Variants in DTD1 observed in about 807,000 individuals in gnomAD.
DTD1 encodes D-aminoacyl-tRNA deacylase 1, also known as D-tyrosyl-tRNA deacylase 1 homolog.
DTD1 carries 13 observed loss-of-function variants against 25.6 expected under a neutral mutation model. The observed-to-expected ratio is 0.51, with a 90% confidence interval of 0.33 to 0.81. The LOEUF is 0.81. DTD1 is among the 30% of genes least tolerant of loss of function. The pLI, the probability that DTD1 is intolerant of heterozygous loss-of-function variation, is 0.02. For missense variants in DTD1, 193 were observed against 266.4 expected (o/e 0.72, Z 1.92); for synonymous variants, 110 against 103.6 (o/e 1.06, Z -0.37).
intron 1 of DTD1, chr20:18,592,556 T>C (rs1568638205): frequency 6.6e-6 from 1 of 151,628 alleles, no homozygotes; most frequent in Non-Finnish European, 1.5e-5. Flanking sequence ...TGATTAGTAG[T>C]GGAATTGCAC....
intron 5 of DTD1, among the ~76,000 whole-genome samples, chr20:18,753,978 T>A (rs890609670): frequency 6.6e-6 from 1 of 152,160 alleles, no homozygotes; most frequent in African/African-American, 2.4e-5. Flanking sequence ...TCTCTCATGT[T>A]TTTTGCATAG....
At chr20:18,676,004 C>T (rs1297426844) in intron 4 of DTD1, among the ~76,000 whole-genome samples, 1 of 152,126 alleles carries the variant, frequency 6.6e-6, no homozygotes, top group East Asian at 1.9e-4. Flanking sequence ...TTGATGGCAG[C>T]CTACTATTCT....
chr20:18,612,270 G>T (rs1243255752), intron 3 of DTD1, among the ~76,000 whole-genome samples: 1 of 151,882 alleles, frequency 6.6e-6, no homozygotes, highest in Admixed American at 6.6e-5. Flanking sequence ...TCCTGACCTC[G>T]TGATCCGCCC....
At chr20:18,609,335 A>G (rs2060677210) in intron 3 of DTD1, among the ~76,000 whole-genome samples, 1 of 151,424 alleles carries the variant, frequency 6.6e-6, no homozygotes. Flanking sequence ...TTTTTTTAGT[A>G]GAAATGGTGT....
intron 4 of DTD1, among the ~76,000 whole-genome samples, chr20:18,633,985 A>G (rs955748316): frequency 6.6e-6 from 1 of 152,258 alleles, no homozygotes; most frequent in African/African-American, 2.4e-5. Context: ...AGAGCATTAC[A>G]TTCTTGCTCC....
At chr20:18,733,328 G>A (rs2061245137) in intron 4 of DTD1, among the ~76,000 whole-genome samples, 1 of 152,250 alleles carries the variant, frequency 6.6e-6, no homozygotes. Flanking sequence ...GTGTCCTTAA[G>A]CAGAAAGGGG....
intron 4 of DTD1, among the ~76,000 whole-genome samples, chr20:18,664,010 C>G (rs146030847): frequency 1.3e-5 from 2 of 152,178 alleles, no homozygotes; most frequent in South Asian, 4.1e-4. Context: ...ACCATATCAC[C>G]TACTGTACAG....
At chr20:18,680,378 GAGACAC>G (rs2060991957) in intron 4 of DTD1, among the ~76,000 whole-genome samples, 1 of 147,222 alleles carries the variant, frequency 6.8e-6, no homozygotes, top group African/African-American at 2.5e-5. Flanking sequence ...TAATTTTGTA[GAGACAC>G]TCTTTATCAC....
At chr20:18,724,139 C>T (rs2061215329) in intron 4 of DTD1, among the ~76,000 whole-genome samples, 1 of 152,248 alleles carries the variant, frequency 6.6e-6, no homozygotes, top group African/African-American at 2.4e-5. Flanking sequence ...CCATCATGTA[C>T]TTTGTCTCAG....
At chr20:18,676,105 T>C (rs1600359502) in intron 4 of DTD1, among the ~76,000 whole-genome samples, 1 of 152,298 alleles carries the variant, frequency 6.6e-6, no homozygotes, top group East Asian at 1.9e-4. Flanking sequence ...AGCAGTGATT[T>C]GGTGAACTGT....
chr20:18,758,182 C>G (rs963255721), intron 5 of DTD1, among the ~76,000 whole-genome samples: 2 of 152,000 alleles, frequency 1.3e-5, no homozygotes, highest in African/African-American at 4.8e-5. Flanking sequence ...ATTAGTCTTG[C>G]TAGCGGTCTA....
chr20:18,641,521 T>G (rs199509250), intron 4 of DTD1, among the ~76,000 whole-genome samples: 112 of 149,676 alleles, frequency 7.5e-4, no homozygotes, highest in Middle Eastern at 3.5e-3. Flanking sequence ...GTATGTGTGT[T>G]TGTGTGTGTG....
intron 4 of DTD1, among the ~76,000 whole-genome samples, chr20:18,649,249 CA>C (rs1187582737): frequency 6.8e-6 from 1 of 148,082 alleles, no homozygotes; most frequent in Non-Finnish European, 1.5e-5. Context: ...TCAGTATGTC[CA>C]GGGGAAGTGG....
chr20:18,744,128 G>A lies in DTD1; in HGVS notation c.506G>A (p.Arg169Lys). Reference sequence around the variant, plus strand: ...TCAAAGCTCGAAAAACAGCAGCAGAGGAAAGAAAAGACCAGAGCTAAGGGA... The same window carrying A: ...TCAAAGCTCGAAAAACAGCAGCAGAAGAAAGAAAAGACCAGAGCTAAGGGA... ...QLSKLEKQQQ[R>K]KEKTRAKGPS... is the part of the protein sequence containing the mutation. The change falls in exon 5 of 6, where the codon AGG becomes AAG. Residue 169 changes from arginine (R) to lysine (K), a missense_variant. Arg to Lys is a conservative substitution (Grantham distance 26). Coordinates refer to ENST00000377452, the MANE Select transcript of DTD1 (RefSeq NM_080820.6). 1 of 1,611,548 alleles carries A rather than the reference G, an allele frequency of 6.2e-7. No homozygotes were observed. Among genetic ancestry groups the A allele is most frequent in the Non-Finnish European group, 8.5e-7 (1 of 1,179,700 alleles).
At chr20:18,744,306 A>G (rs2061291112) in intron 5 of DTD1, 35 bp downstream of exon 5, 5 of 1,600,712 alleles carry the variant, frequency 3.1e-6, no homozygotes, top group Admixed American at 1.7e-5. Flanking sequence ...ATCTTCCCAC[A>G]TTTTGGGGAA....
At chr20:18,710,051 G>A (rs190114927) in intron 4 of DTD1, among the ~76,000 whole-genome samples, 1 of 152,066 alleles carries the variant, frequency 6.6e-6, no homozygotes, top group Admixed American at 6.5e-5. Context: ...TATGAATAGG[G>A]CAGCTTTATG....
chr20:18,718,252 AGTTAG>A (rs1316470349), intron 4 of DTD1, among the ~76,000 whole-genome samples: 2 of 152,316 alleles, frequency 1.3e-5, no homozygotes, highest in East Asian at 3.9e-4. Flanking sequence ...TAATTAGTTA[AGTTAG>A]TTGGAGGATT....
At chr20:18,681,805 G>A (rs969464783) in intron 4 of DTD1, among the ~76,000 whole-genome samples, 22 of 152,306 alleles carry the variant, frequency 1.4e-4, no homozygotes, top group African/African-American at 5.1e-4. Context: ...AATATTATCA[G>A]TAGGTTAGAA....
At chr20:18,677,748 G>A (rs913043263) in intron 4 of DTD1, among the ~76,000 whole-genome samples, 2 of 152,182 alleles carry the variant, frequency 1.3e-5, no homozygotes, top group African/African-American at 2.4e-5. Context: ...GGTCAGATAA[G>A]AACTAGGTCC....
Sources: allele counts gnomAD v4.1 joint callset (sites outside exome capture counted in the v4.1 genomes callset), GRCh38; gene constraint gnomAD v4.1.1; transcripts MANE v1.5; gene names NCBI Gene and HGNC (gene_info 2026-07-23, HGNC 2026-07-21).